TNS1: variants seen among roughly 807,000 people sequenced by gnomAD.
TNS1 encodes tensin-1.
In TNS1, 62 loss-of-function variants were observed where a neutral mutation model predicts 168.6. The observed-to-expected ratio is 0.37, with a 90% confidence interval of 0.30 to 0.45. The LOEUF (loss-of-function observed/expected upper bound fraction) is 0.45. TNS1 is among the 20% of genes least tolerant of loss of function. The pLI is 1.00. For synonymous variants in TNS1, 934 were observed against 933.2 expected (o/e 1.00, Z -0.02); for missense variants, 2,240 against 2,339.4 (o/e 0.96, Z 0.88).
At chr2:218,009,658 C>CA (rs774422138) in intron 1 of TNS1, among the ~76,000 whole-genome samples, 1 of 152,190 alleles carries the variant, frequency 6.6e-6, no homozygotes, top group Non-Finnish European at 1.5e-5. Context: ...ATTTCACTTC[C>CA]TTACCTCGCT....
At chr2:218,012,642 AC>A (rs970488435), upstream of TNS1, among the ~76,000 whole-genome samples, 1 of 148,968 alleles carries the variant, frequency 6.7e-6, no homozygotes, top group Admixed American at 6.7e-5. Context: ...CTGGCCCCCC[AC>A]CCCCCATACC....
rs1958592416 is a variant in TNS1, at chr2:218,002,851, A to T, written c.22T>A (p.Cys8Ser). MTWICLS[C>S]MLWPEDLEAP... ...GCAGCCAGACCTACCCAGAGCATGC[A>T]GGACAGACAGATCCACGTCATCTTT... The change falls in exon 1 of 33, where the codon TGC (cysteine) becomes AGC (serine). Residue 8 changes from cysteine to serine, a missense_variant. Around this residue, in one of 2 missense-constraint regions of TNS1, gnomAD observed 2,131 missense variants for 2,171.2 expected, o/e 0.98. Transcript: ENST00000682258. 2.2e-6 allele frequency: 1 copy of T among 456,806 alleles called. No homozygotes were observed. The highest frequency in any genetic ancestry group is 2.0e-5 in the African/African-American group (1 of 50,080). The allele number at this position is 456,806 out of a possible 1,614,324, so 28.3% of individuals were successfully genotyped here. A position where few individuals can be genotyped will look rare whatever the true frequency, so the allele number is the denominator to read the frequency against.
intron 18 of TNS1, among the ~76,000 whole-genome samples, chr2:217,854,519 G>A (rs367543853): frequency 6.6e-6 from 1 of 152,156 alleles, no homozygotes; most frequent in South Asian, 2.1e-4. Flanking sequence ...ACCCAACGTG[G>A]GGGAAAATCA....
chr2:217,990,676 G>A (rs910623568), intron 2 of TNS1, among the ~76,000 whole-genome samples: 9 of 152,084 alleles, frequency 5.9e-5, no homozygotes, highest in African/African-American at 1.4e-4. Flanking sequence ...CATGCCACCC[G>A]CATGACACCC....
At chr2:217,996,059 G>A (rs1958463505) in intron 1 of TNS1, among the ~76,000 whole-genome samples, 1 of 152,182 alleles carries the variant, frequency 6.6e-6, no homozygotes, top group African/African-American at 2.4e-5. Flanking sequence ...TCTGTTTGTT[G>A]GTTCCTCCCT....
intron 1 of TNS1, among the ~76,000 whole-genome samples, chr2:218,026,426 C>T (rs1027958408): frequency 1.3e-5 from 2 of 152,072 alleles, no homozygotes; most frequent in African/African-American, 4.8e-5. Flanking sequence ...AGATGGAACA[C>T]GAGAGTGACA....
rs1378724716 is a variant in TNS1 at position 217,885,001 on chromosome 2, G to GA, written c.1246+33_1246+34insT. On this transcript the variant is annotated intron_variant, in intron 16 of 32. Coordinates refer to ENST00000682258, the MANE Select transcript of TNS1 (RefSeq NM_001387777.1). ...ACTGAGCTCCTCTCCCTGCCACAGG[G>GA]GTGCCCACCCCCAGCTCCACTCAAG... is the stretch of plus-strand genomic sequence containing the variant. 6.2e-6 allele frequency: 10 copies of GA among 1,612,730 alleles called. No individual in the cohort carries two copies. The African/African-American group carries it at 6.7e-5, about 11-fold the overall frequency.
chr2:218,018,805 G>A (rs1403661343), intron 1 of TNS1, among the ~76,000 whole-genome samples: 3 of 152,172 alleles, frequency 2.0e-5, no homozygotes, highest in East Asian at 3.9e-4. Flanking sequence ...TAGGCTGGGC[G>A]CGGTGGCTCA....
At chr2:217,955,677 C>A (rs1364304277) in intron 3 of TNS1, among the ~76,000 whole-genome samples, 2 of 152,200 alleles carry the variant, frequency 1.3e-5, no homozygotes, top group Non-Finnish European at 2.9e-5. Context: ...CTCATCATGA[C>A]TGTGGCTATT....
At position 217,986,598 on chromosome 2, in the gene TNS1, C is replaced by T. The variant is rs995729630; in HGVS notation, c.148+4344G>A. 7.2e-5 allele frequency: 11 copies of T among 152,220 alleles called. No homozygotes were observed. Among genetic ancestry groups the T allele is most frequent in the African/African-American group, 2.4e-4 (10 of 41,446 alleles). 9.4% of individuals were successfully genotyped at this position (152,220 alleles called of 1,614,324 possible). Reference sequence around the variant, plus strand: ...ACATGGACTCCCATAGAGCACTTCCCTAGAGACCTGTGGGAAGCCGACTAT... The same window carrying T: ...ACATGGACTCCCATAGAGCACTTCCTTAGAGACCTGTGGGAAGCCGACTAT... On this transcript the variant is annotated intron_variant, in intron 2 of 32. Coordinates refer to ENST00000682258, the MANE Select transcript of TNS1 (RefSeq NM_001387777.1). The surrounding 1 kb of genome is among the most constrained non-coding windows in gnomAD (Gnocchi z 4.7).
intron 25 of TNS1, among the ~76,000 whole-genome samples, chr2:217,814,352 T>C (rs1316517827): frequency 6.6e-6 from 1 of 152,120 alleles, no homozygotes; most frequent in Non-Finnish European, 1.5e-5. Context: ...AGAGTAAATA[T>C]TTCAGGCTTC....
intron 3 of TNS1, among the ~76,000 whole-genome samples, chr2:217,930,052 C>T (rs1371504128): frequency 1.3e-5 from 2 of 152,210 alleles, no homozygotes; most frequent in South Asian, 2.1e-4. Flanking sequence ...TCAGGCCCTT[C>T]GGGACCTGGC....
In TNS1 at chr2:218,033,792, GTCCCTCACCCAT is replaced by G. The variant is rs1036607944; in HGVS notation, c.156+16_156+27del. Among the ~76,000 whole-genome samples, 3 of 152,164 alleles carry G rather than the reference GTCCCTCACCCAT, an allele frequency of 2.0e-5. No homozygotes were observed. The highest frequency in any genetic ancestry group is 4.4e-5 in the Non-Finnish European group (3 of 68,024). On this transcript the variant is annotated intron_variant, in intron 1 of 1. Transcript: ENST00000649572. The surrounding 1 kb of genome is among the most constrained non-coding windows in gnomAD (Gnocchi z 4.3). ...CCGCCAGCTCCCGACTCGGGGCGTCGTCCCTCACCCATTCCCGCAGCCCCTACCTGAAGCGGT... is the reference window on the plus strand; with the variant it reads ...CCGCCAGCTCCCGACTCGGGGCGTCGTCCCGCAGCCCCTACCTGAAGCGGT...
At chr2:217,891,112 C>A in intron 11 of TNS1, 67 bp from the exon 12 acceptor site, 2 of 1,522,464 alleles carry the variant, frequency 1.3e-6, no homozygotes, top group Non-Finnish European at 1.8e-6. Context: ...TTTTCCCCAC[C>A]CCTGCTCCCT....
chr2:217,988,593 T>C (rs76531769), intron 2 of TNS1, among the ~76,000 whole-genome samples: 10,267 of 152,226 alleles, frequency 0.067, 1,163 homozygotes, highest in African/African-American at 0.23. Flanking sequence ...GGGGCTGTTA[T>C]GCAAACAAAA....
Position 217,810,290 on chromosome 2 carries a change from C to T in TNS1, c.5062G>A (p.Gly1688Ser), listed in dbSNP as rs371630425. 3.1e-6 allele frequency: 5 copies of T among 1,613,964 alleles called. No individual in the cohort carries two copies. The Admixed American group carries it at 6.7e-5, about 22-fold the overall frequency. The change falls in exon 29 of 33, where the codon GGC becomes AGC. Residue 1688 changes from glycine to serine, a missense_variant. Gly to Ser is a moderately conservative substitution (Grantham distance 56). Around this residue, in one of 2 missense-constraint regions of TNS1, gnomAD observed 2,131 missense variants for 2,171.2 expected, o/e 0.98. Transcript: ENST00000682258. ...DPTDESKDSS[G>S]PANSTADLLK... ...AGGTCTGCAGTTGAGTTGGCAGGGC[C>T]GGAGCTATCTTTCGATTCATCTGTG...
rs561615806 is a variant in TNS1, at chr2:217,868,607, T to G, written c.1429+12291A>C. Among the ~76,000 whole-genome samples, 6 of 152,358 alleles carry G rather than the reference T, an allele frequency of 3.9e-5. No homozygotes were observed. In the East Asian group the frequency reaches 1.2e-3, roughly 29 times the overall value. ...CCTGTATAACAGTCGCTGAGCTAGG[T>G]GCCCATAGATGATTACTTTTAATTC... is the stretch of plus-strand genomic sequence containing the variant. On this transcript the variant is annotated intron_variant, in intron 18 of 32. Coordinates refer to ENST00000682258, the MANE Select transcript of TNS1 (RefSeq NM_001387777.1).
intron 12 of TNS1, chr2:217,890,517 G>A (rs1310889616): frequency 6.1e-6 from 1 of 164,034 alleles, no homozygotes; most frequent in East Asian, 1.7e-4. Flanking sequence ...AAAGCTCTCA[G>A]TAAAACTGTC....
chr2:217,820,075 G>C (rs62183755), intron 23 of TNS1, among the ~76,000 whole-genome samples: 11,216 of 152,224 alleles, frequency 0.074, 461 homozygotes, highest in South Asian at 0.11. Flanking sequence ...AAAGCAGAAG[G>C]CCACCTCCTG....
Sources: gnomAD v4.1 joint callset for allele counts (sites outside exome capture counted in the v4.1 genomes callset) on GRCh38, gnomAD v4.1.1 for gene constraint, gnomAD v4.1.1 regional missense constraint, Gnocchi (gnomAD v3.1) non-coding constraint, MANE v1.5 for transcripts, NCBI Gene and HGNC (gene_info 2026-07-23, HGNC 2026-07-21) for gene names.